Variants in HHAT observed in about 807,000 individuals in gnomAD.
The protein encoded by HHAT is hedgehog acyltransferase.
Under a neutral mutation model 70.8 loss-of-function variants are expected in HHAT, and 47 were observed. That is an observed-to-expected ratio of 0.66 (90% confidence interval 0.53 to 0.85). The LOEUF (loss-of-function observed/expected upper bound fraction) is 0.85. Among genes scored for constraint, HHAT ranks in the 40% least tolerant of loss-of-function variants. The pLI is 0.00. For missense variants in HHAT, 609 were observed against 604.8 expected, an observed-to-expected ratio of 1.01 and a Z score of -0.07; for synonymous variants, 228 against 247.6, an observed-to-expected ratio of 0.92 and a Z score of 0.74.
intron 11 of HHAT, among the ~76,000 whole-genome samples, chr1:210,674,049 G>A (rs1680725992): frequency 2.0e-5 from 3 of 151,442 alleles, no homozygotes; most frequent in South Asian, 2.1e-4. Context: ...ATGCTGGTGC[G>A]CTGCACCCAC....
chr1:210,600,916 G>A (rs955859770), intron 10 of HHAT, among the ~76,000 whole-genome samples: 12 of 151,850 alleles, frequency 7.9e-5, no homozygotes, highest in African/African-American at 2.7e-4. Flanking sequence ...ATTTAAATAC[G>A]TTCTCCTCTC....
intron 9 of HHAT, among the ~76,000 whole-genome samples, chr1:210,534,425 CT>C (rs889164339): frequency 1.8e-4 from 27 of 151,930 alleles, no homozygotes; most frequent in East Asian, 7.7e-4. Context: ...TTCATTAATG[CT>C]TTTTTTTATA....
chr1:210,342,545 G>T (rs1475164818), intron 1 of HHAT, among the ~76,000 whole-genome samples: 1 of 152,188 alleles, frequency 6.6e-6, no homozygotes, highest in Admixed American at 6.5e-5. Context: ...TGTCCCTATA[G>T]ATTGGCCGTT....
intron 10 of HHAT, among the ~76,000 whole-genome samples, chr1:210,619,429 G>A (rs764582670): frequency 1.3e-5 from 2 of 152,126 alleles, no homozygotes; most frequent in Non-Finnish European, 2.9e-5. Context: ...GGAGGGGCCT[G>A]GTGGTTGAAT....
chr1:210,667,076 CAAA>C (rs199677873), intron 11 of HHAT, among the ~76,000 whole-genome samples: 2 of 115,162 alleles, frequency 1.7e-5, no homozygotes, highest in Non-Finnish European at 1.9e-5. Context: ...CAAAACATCT[CAAA>C]AAAAAAAAAA....
intron 8 of HHAT, among the ~76,000 whole-genome samples, chr1:210,486,995 A>G (rs1351205285): frequency 1.3e-5 from 2 of 152,188 alleles, no homozygotes; most frequent in Admixed American, 6.5e-5. Context: ...TTAGAGCCAT[A>G]TAATTATTTT....
intron 2 of HHAT, among the ~76,000 whole-genome samples, chr1:210,350,169 A>C (rs548152483): frequency 6.6e-5 from 10 of 152,274 alleles, no homozygotes; most frequent in African/African-American, 2.4e-4. Context: ...TTTAGAGTCA[A>C]TTTGTTGATA....
At chr1:210,530,010 C>T (rs560472716) in intron 9 of HHAT, among the ~76,000 whole-genome samples, 13 of 152,258 alleles carry the variant, frequency 8.5e-5, no homozygotes, top group South Asian at 2.1e-4. Flanking sequence ...CACAGCGACT[C>T]GGTGTTGAAG....
At chr1:210,652,021 G>A (rs1329862794) in intron 11 of HHAT, among the ~76,000 whole-genome samples, 1 of 152,206 alleles carries the variant, frequency 6.6e-6, no homozygotes, top group African/African-American at 2.4e-5. Flanking sequence ...AAGCCTAGCT[G>A]TCAAGAGCTG....
At chr1:210,452,361 T>C (rs999847864) in intron 7 of HHAT, among the ~76,000 whole-genome samples, 1 of 152,208 alleles carries the variant, frequency 6.6e-6, no homozygotes, top group African/African-American at 2.4e-5. Context: ...AGGGTTCAGG[T>C]GGGGGCTCTC....
chr1:210,467,837 G>A (rs892256826), intron 8 of HHAT, among the ~76,000 whole-genome samples: 22 of 152,160 alleles, frequency 1.4e-4, no homozygotes, highest in African/African-American at 5.3e-4. Flanking sequence ...CATGTTGACT[G>A]ATTGCATCAT....
At chr1:210,615,425 T>A (rs976277080) in intron 10 of HHAT, among the ~76,000 whole-genome samples, 1 of 152,248 alleles carries the variant, frequency 6.6e-6, no homozygotes, top group Non-Finnish European at 1.5e-5. Context: ...TCTGAAGCCT[T>A]CTTCTCTCAA....
At chr1:210,364,967 C>T (rs1467852098) in intron 3 of HHAT, among the ~76,000 whole-genome samples, 1 of 152,168 alleles carries the variant, frequency 6.6e-6, no homozygotes, top group Admixed American at 6.5e-5. Context: ...GTGCTCTGAG[C>T]ACCTCTCATC....
chr1:210,671,972 A>G (rs17188416), intron 11 of HHAT, among the ~76,000 whole-genome samples: 52,380 of 152,072 alleles, frequency 0.34, 10,427 homozygotes, highest in South Asian at 0.53. Context: ...TTGTCACTCT[A>G]ATCTTGGTAG....
Position 210,420,874 on chromosome 1 carries a change from G to A in HHAT, c.856+2549G>A, listed in dbSNP as rs1572319539. Among the ~76,000 whole-genome samples, 3 of 151,748 alleles carry A rather than the reference G, an allele frequency of 2.0e-5. No homozygotes were observed. The South Asian group carries it at 6.3e-4, about 32-fold the overall frequency. On this transcript the variant is annotated intron_variant, in intron 7 of 11. Coordinates refer to ENST00000261458, the MANE Select transcript of HHAT (RefSeq NM_018194.6). ...TTAAAATATTTGAATCTCTGAATTGGGTGAGTCACTATCCAGAGTTTGTCA... is the reference window on the plus strand; with the variant it reads ...TTAAAATATTTGAATCTCTGAATTGAGTGAGTCACTATCCAGAGTTTGTCA...
At chr1:210,594,036 T>C (rs1384788287) in intron 10 of HHAT, among the ~76,000 whole-genome samples, 1 of 152,196 alleles carries the variant, frequency 6.6e-6, no homozygotes, top group Non-Finnish European at 1.5e-5. Flanking sequence ...TTTCCATTTC[T>C]TTACTTTCAG....
intron 9 of HHAT, among the ~76,000 whole-genome samples, chr1:210,519,692 A>AT (rs71571953): frequency 2.6e-5 from 4 of 151,078 alleles, no homozygotes; most frequent in African/African-American, 9.8e-5. Flanking sequence ...ATGCCCAGCA[A>AT]TTTTTTTTGT....
At chr1:210,431,757 T>G (rs2093250283) in intron 7 of HHAT, among the ~76,000 whole-genome samples, 1 of 151,768 alleles carries the variant, frequency 6.6e-6, no homozygotes, top group Middle Eastern at 3.2e-3. Flanking sequence ...GACACGGGAA[T>G]GAAATTCCCT....
chr1:210,654,746 C>T lies in HHAT; in HGVS notation c.1391-19542C>T, dbSNP rs77803839. The stretch of plus-strand genomic sequence containing the variant: ...CCATATCTTCCCCATGGAATGAGTA[C>T]AGTGCAGCCCCTAGGAAGGAGGTGG... On this transcript the variant is annotated intron_variant, in intron 11 of 11. Coordinates refer to ENST00000261458, the MANE Select transcript of HHAT (RefSeq NM_018194.6). Among the ~76,000 whole-genome samples, 206 of 152,294 alleles carry T rather than the reference C, an allele frequency of 1.4e-3. 2 individuals are homozygous for T. In the East Asian group the frequency reaches 0.022, roughly 16 times the overall value.
Sources: gnomAD v4.1 joint callset for allele counts (sites outside exome capture counted in the v4.1 genomes callset) on GRCh38, gnomAD v4.1.1 for gene constraint, MANE v1.5 for transcripts, NCBI Gene and HGNC (gene_info 2026-07-23, HGNC 2026-07-21) for gene names.